LINGO2: variants seen among roughly 807,000 people sequenced by gnomAD.
The protein encoded by LINGO2 is leucine rich repeat and Ig domain containing 2.
Under a neutral mutation model 30.6 loss-of-function variants are expected in LINGO2, and 14 were observed. The ratio of observed to expected loss-of-function variants is 0.46; its 90% confidence interval spans 0.30 to 0.72. The LOEUF (loss-of-function observed/expected upper bound fraction) is 0.72, where lower values mean the gene tolerates loss of function less well. LINGO2 is among the 30% of genes least tolerant of loss of function. The pLI is 0.07. For synonymous variants in LINGO2, 317 were observed against 288.5 expected (o/e 1.10, Z -1.00); for missense variants, 729 against 751.7 (o/e 0.97, Z 0.35).
At chr9:28,572,062 C>T (rs566150938) in intron 1 of LINGO2, among the ~76,000 whole-genome samples, 3 of 151,998 alleles carry the variant, frequency 2.0e-5, no homozygotes, top group Admixed American at 6.6e-5. Context: ...GACTCTACAC[C>T]GTGCTGTCAC....
the LINGO2 span, among the ~76,000 whole-genome samples, chr9:28,747,314 G>T: frequency 7.2e-5 from 11 of 151,864 alleles, no homozygotes; most frequent in African/African-American, 2.4e-4. Context: ...GATCATCTTC[G>T]CACCCCATTC....
chr9:27,945,243 T>C (rs1823320179), downstream of LINGO2, among the ~76,000 whole-genome samples: 1 of 152,136 alleles, frequency 6.6e-6, no homozygotes, highest in Admixed American at 6.6e-5. Context: ...CTTTTGTTCC[T>C]CTGATATAAA....
the LINGO2 span, among the ~76,000 whole-genome samples, chr9:28,897,220 G>C: frequency 2.0e-5 from 3 of 152,126 alleles, no homozygotes; most frequent in Non-Finnish European, 4.4e-5. Context: ...ATTAGTAAAT[G>C]GACATAGTTT....
the LINGO2 span, among the ~76,000 whole-genome samples, chr9:28,906,770 A>G: frequency 2.0e-5 from 3 of 151,982 alleles, no homozygotes; most frequent in Admixed American, 2.0e-4. Flanking sequence ...AAAGATGTAT[A>G]AAATAATTTC....
the LINGO2 span, among the ~76,000 whole-genome samples, chr9:28,697,347 G>A: frequency 6.6e-6 from 1 of 151,820 alleles, no homozygotes; most frequent in African/African-American, 2.4e-5. Context: ...GAACAGGTTA[G>A]GTAATTTCAG....
intron 2 of LINGO2, among the ~76,000 whole-genome samples, chr9:28,463,436 TCACCTG>T (rs1825165234): frequency 6.6e-6 from 1 of 152,020 alleles, no homozygotes; most frequent in Non-Finnish European, 1.5e-5. Context: ...AGAAAAGTGT[TCACCTG>T]TCTTCCAATT....
At chr9:27,951,041 CA>C (rs1365261626) in intron 5 of LINGO2, among the ~76,000 whole-genome samples, 4 of 152,102 alleles carry the variant, frequency 2.6e-5, no homozygotes, top group Admixed American at 2.6e-4. Flanking sequence ...ATTTCACACT[CA>C]AAGGCTCAGT....
At chr9:28,239,338 G>C (rs1047314969) in intron 4 of LINGO2, among the ~76,000 whole-genome samples, 11 of 151,930 alleles carry the variant, frequency 7.2e-5, no homozygotes, top group Admixed American at 2.0e-4. Context: ...ATCAAAAAAA[G>C]AAAACCACAG....
At chr9:28,071,160 T>C (rs541517936) in intron 4 of LINGO2, among the ~76,000 whole-genome samples, 1 of 152,192 alleles carries the variant, frequency 6.6e-6, no homozygotes, top group East Asian at 1.9e-4. Flanking sequence ...TATTCCTCCC[T>C]TTTTCAGGCA....
intron 5 of LINGO2, among the ~76,000 whole-genome samples, chr9:27,985,135 A>G (rs1385350520): frequency 6.6e-6 from 1 of 151,888 alleles, no homozygotes; most frequent in East Asian, 1.9e-4. Context: ...TCTTTTCTGA[A>G]TGAGGAAAGA....
At chr9:27,978,099 G>C (rs1307280476) in intron 5 of LINGO2, among the ~76,000 whole-genome samples, 1 of 151,988 alleles carries the variant, frequency 6.6e-6, no homozygotes. Flanking sequence ...ATACTGTGTG[G>C]GTTCTTTGTC....
At chr9:28,345,094 A>T (rs80323748) in intron 3 of LINGO2, among the ~76,000 whole-genome samples, 3 of 146,914 alleles carry the variant, frequency 2.0e-5, no homozygotes, top group Non-Finnish European at 3.0e-5. Context: ...ACGTGTTAAG[A>T]AAAAAAAAAA....
intron 3 of LINGO2, among the ~76,000 whole-genome samples, chr9:28,326,110 G>A (rs1334179580): frequency 1.3e-5 from 2 of 152,100 alleles, no homozygotes; most frequent in Non-Finnish European, 1.5e-5. Context: ...GGGTTCAAGC[G>A]AGCCTCCTGC....
the LINGO2 span, among the ~76,000 whole-genome samples, chr9:28,756,697 G>A: frequency 7.6e-4 from 115 of 152,030 alleles, 1 homozygote; most frequent in African/African-American, 2.6e-3. Context: ...TAGTGAGTGA[G>A]TTCTCATGGT....
the LINGO2 span, among the ~76,000 whole-genome samples, chr9:28,994,450 A>C: frequency 1.3e-5 from 2 of 151,762 alleles, no homozygotes; most frequent in South Asian, 2.1e-4. Context: ...TGCCCAAGGT[A>C]ATTTATGGAT....
chr9:27,988,241 G>A (rs1232809214), intron 5 of LINGO2, among the ~76,000 whole-genome samples: 1 of 152,048 alleles, frequency 6.6e-6, no homozygotes, highest in Non-Finnish European at 1.5e-5. Flanking sequence ...TCTCAATCCA[G>A]TCTATCGTTG....
At chr9:29,073,950 A>G in the LINGO2 span, among the ~76,000 whole-genome samples, 4 of 152,184 alleles carry the variant, frequency 2.6e-5, no homozygotes, top group Non-Finnish European at 5.9e-5. Flanking sequence ...ATAACTATGA[A>G]AGCTACCATT....
At chr9:28,101,695 C>T (rs1826420737) in intron 4 of LINGO2, among the ~76,000 whole-genome samples, 1 of 152,112 alleles carries the variant, frequency 6.6e-6, no homozygotes, top group Non-Finnish European at 1.5e-5. Flanking sequence ...TAAACTATTG[C>T]AACAGAAGTT....
At chr9:28,404,008 T>C (rs866462359) in intron 2 of LINGO2, among the ~76,000 whole-genome samples, 1 of 152,128 alleles carries the variant, frequency 6.6e-6, no homozygotes, top group African/African-American at 2.4e-5. Context: ...CCTATTTTTT[T>C]ATACCAAAGG....
Sources: allele counts gnomAD v4.1 joint callset (sites outside exome capture counted in the v4.1 genomes callset), GRCh38; gene constraint gnomAD v4.1.1; transcripts MANE v1.5; gene names NCBI Gene and HGNC (gene_info 2026-07-23, HGNC 2026-07-21).